The following GRXCR2 variants were observed in gnomAD, a reference collection of about 807,000 sequenced individuals.
The protein encoded by GRXCR2 is glutaredoxin and cysteine rich domain containing 2, also known as glutaredoxin domain-containing cysteine-rich protein 2.
A neutral mutation model predicts 24.8 loss-of-function variants in GRXCR2; 23 were observed. The observed-to-expected ratio is 0.93, with a 90% CI of 0.67 to 1.32. The LOEUF (loss-of-function observed/expected upper bound fraction) is 1.32, where lower values mean the gene tolerates loss of function less well. GRXCR2 is among the 40% of genes most tolerant of loss of function. The probability of loss-of-function intolerance (pLI) is 0.00; values close to 1 mark genes in which losing one functional copy is unlikely to be tolerated. For missense variants in GRXCR2, 315 were observed against 303.4 expected, an observed-to-expected ratio of 1.04 and a Z score of -0.28; for synonymous variants, 130 against 116.1, an observed-to-expected ratio of 1.12 and a Z score of -0.77.
intron 2 of GRXCR2, among the ~76,000 whole-genome samples, chr5:145,864,564 G>C (rs1251910519): frequency 6.6e-6 from 1 of 152,074 alleles, no homozygotes; most frequent in Non-Finnish European, 1.5e-5. Context: ...TGCTGTTCTC[G>C]TGATAAGTGA....
At chr5:145,914,675 C>CAAAA (rs34955541) in intron 2 of GRXCR2, among the ~76,000 whole-genome samples, 1 of 55,226 alleles carries the variant, frequency 1.8e-5, no homozygotes, top group Non-Finnish European at 3.2e-5. Flanking sequence ...GACTCCATCT[C>CAAAA]AAAAAAAAAA....
chr5:145,896,927 A>T (rs965064450), intron 2 of GRXCR2, among the ~76,000 whole-genome samples: 1 of 152,140 alleles, frequency 6.6e-6, no homozygotes, highest in Non-Finnish European at 1.5e-5. Context: ...AATGTGGCAC[A>T]TATACACCAT....
intron 2 of GRXCR2, among the ~76,000 whole-genome samples, chr5:145,882,466 A>G (rs1204818557): frequency 2.0e-5 from 3 of 152,218 alleles, no homozygotes; most frequent in African/African-American, 7.2e-5. Flanking sequence ...CAAAACCACA[A>G]TGAGATACCA....
intron 2 of GRXCR2, among the ~76,000 whole-genome samples, chr5:145,907,796 T>C (rs781359382): frequency 6.6e-6 from 1 of 152,152 alleles, no homozygotes; most frequent in Non-Finnish European, 1.5e-5. Flanking sequence ...ATTTTTTACT[T>C]GAGCAACATT....
chr5:145,882,957 T>G (rs887360624), intron 2 of GRXCR2, among the ~76,000 whole-genome samples: 19 of 140,188 alleles, frequency 1.4e-4, no homozygotes, highest in African/African-American at 2.7e-5. Flanking sequence ...TCACTCATAG[T>G]TGGGAATTGA....
At chr5:145,926,814 T>C (rs1757404176) in intron 2 of GRXCR2, among the ~76,000 whole-genome samples, 3 of 152,244 alleles carry the variant, frequency 2.0e-5, no homozygotes, top group Admixed American at 2.0e-4. Context: ...TAAATTACCT[T>C]GGGCAGTATG....
intron 1 of GRXCR2, among the ~76,000 whole-genome samples, chr5:145,871,247 C>T (rs1756527574): frequency 2.0e-5 from 3 of 152,166 alleles, no homozygotes; most frequent in African/African-American, 7.2e-5. Context: ...AGTATAAGTA[C>T]AAGACTAGCC....
At chr5:145,868,013 A>G (rs958282744) in intron 1 of GRXCR2, among the ~76,000 whole-genome samples, 1 of 152,094 alleles carries the variant, frequency 6.6e-6, no homozygotes, top group African/African-American at 2.4e-5. Flanking sequence ...CCAACACTCT[A>G]TTGGCTTCTC....
At chr5:145,928,648 A>C (rs1052824022) in intron 2 of GRXCR2, among the ~76,000 whole-genome samples, 18 of 151,870 alleles carry the variant, frequency 1.2e-4, no homozygotes, top group Non-Finnish European at 2.6e-4. Context: ...AAACTATCGC[A>C]AGGACAAAAA....
chr5:145,893,427 G>T (rs1756900535), intron 2 of GRXCR2, among the ~76,000 whole-genome samples: 1 of 152,142 alleles, frequency 6.6e-6, no homozygotes, highest in African/African-American at 2.4e-5. Context: ...AAAATAAAGG[G>T]ATGGAGGAAG....
chr5:145,914,414 G>A (rs1017206136), intron 2 of GRXCR2, among the ~76,000 whole-genome samples: 12 of 151,950 alleles, frequency 7.9e-5, no homozygotes, highest in African/African-American at 1.9e-4. Context: ...GGTACCTCAC[G>A]TCTGTAATCT....
At chr5:145,916,934 C>T (rs1041229674) in intron 2 of GRXCR2, among the ~76,000 whole-genome samples, 7 of 152,138 alleles carry the variant, frequency 4.6e-5, no homozygotes, top group African/African-American at 7.2e-5. Context: ...TAGGAGCAAG[C>T]GTGGAAACTA....
rs757758226 is a variant in GRXCR2 at position 145,859,738 on chromosome 5, G to T, written c.742C>A (p.Gln248Lys). Residue 248 changes from glutamine to lysine, a missense_variant, in exon 3 of 3, where the codon CAA becomes AAA. Physicochemically the swap from Gln to Lys is moderately conservative, Grantham distance 53. Transcript: ENST00000377976. ...NGLQPCQICN[Q>K] is the part of the protein sequence containing the mutation. ...GGACATGCAAAAGCCACGGGCTATT[G>T]ATTGCAAATCTGGCAAGGCTGTAGG... 1.1e-5 allele frequency: 17 copies of T among 1,614,080 alleles called. No individual in the cohort carries two copies. In the Admixed American group the frequency reaches 2.8e-4, roughly 27 times the overall value.
In GRXCR2 at chr5:145,878,346, C is replaced by A. The variant is rs374007559; in HGVS notation, c.-69-11618G>T. 6.9e-4 allele frequency among the ~76,000 whole-genome samples: 105 copies of A among 152,116 alleles called. 3 individuals carry two copies. In the South Asian group the frequency reaches 0.018, roughly 27 times the overall value. ...ACTAGAATAAACAGTGTAGAGAAGA[C>A]CTTAAATGACCTGATGGAGCTGAAA... On this transcript the variant is annotated intron_variant, in intron 2 of 3. Coordinates refer to the GRXCR2 transcript ENST00000639411.
intron 2 of GRXCR2, among the ~76,000 whole-genome samples, chr5:145,892,386 A>G: frequency 6.6e-6 from 1 of 152,198 alleles, no homozygotes; most frequent in Non-Finnish European, 1.5e-5. Context: ...AGACCTTGAA[A>G]AAAAATTAGA....
intron 2 of GRXCR2, among the ~76,000 whole-genome samples, chr5:145,919,361 T>C (rs998753220): frequency 1.1e-4 from 17 of 152,194 alleles, no homozygotes; most frequent in African/African-American, 4.1e-4. Context: ...TGCATGCATA[T>C]CTAATTAACC....
upstream of GRXCR2, chr5:145,873,061 G>C (rs545153057): frequency 6.8e-5 from 65 of 957,822 alleles, 1 homozygote; most frequent in African/African-American, 9.4e-4. Context: ...CTCTCCTCCT[G>C]CATATAATTA....
intron 2 of GRXCR2, among the ~76,000 whole-genome samples, chr5:145,862,212 T>C (rs1356428517): frequency 6.6e-6 from 1 of 152,208 alleles, no homozygotes; most frequent in Non-Finnish European, 1.5e-5. Flanking sequence ...ATACATGTGA[T>C]CCAAAAATTC....
intron 2 of GRXCR2, among the ~76,000 whole-genome samples, chr5:145,929,244 C>T (rs1187604649): frequency 1.6e-5 from 2 of 123,326 alleles, no homozygotes; most frequent in South Asian, 3.5e-4. Flanking sequence ...TTTACCCACT[C>T]CCCTATTTTT....
Sources: gnomAD v4.1 joint callset for allele counts (sites outside exome capture counted in the v4.1 genomes callset) on GRCh38, gnomAD v4.1.1 for gene constraint, MANE v1.5 for transcripts, NCBI Gene and HGNC (gene_info 2026-07-23, HGNC 2026-07-21) for gene names.